The following NEFM variants were observed in gnomAD, a reference collection of about 807,000 sequenced individuals.
The protein encoded by NEFM is neurofilament medium chain.
Under a neutral mutation model 48.1 loss-of-function variants are expected in NEFM, and 16 were observed. That is an observed-to-expected ratio of 0.33 (90% CI 0.23 to 0.51). The LOEUF (loss-of-function observed/expected upper bound fraction) is 0.51, where lower values mean the gene tolerates loss of function less well. Among genes scored for constraint, NEFM ranks in the 20% least tolerant of loss-of-function variants. The pLI, the probability that NEFM is intolerant of heterozygous loss-of-function variation, is 0.98. For synonymous variants in NEFM, 465 were observed against 456.9 expected, an observed-to-expected ratio of 1.02 and a Z score of -0.23; for missense variants, 1,107 against 1,136.0, an observed-to-expected ratio of 0.97 and a Z score of 0.37.
At chr8:24,916,690 GT>G (rs909427097) in intron 2 of NEFM, among the ~76,000 whole-genome samples, 1 of 152,054 alleles carries the variant, frequency 6.6e-6, no homozygotes, top group Non-Finnish European at 1.5e-5. Flanking sequence ...ATGGCTTTTT[GT>G]TTTTTTGTTT....
intron 2 of NEFM, among the ~76,000 whole-genome samples, chr8:24,916,307 T>C (rs1158461241): frequency 2.0e-5 from 3 of 152,064 alleles, no homozygotes; most frequent in African/African-American, 4.8e-5. Flanking sequence ...TCTAGATCTA[T>C]AGATACACAT....
At position 24,918,425 on chromosome 8, in the gene NEFM, C is replaced by G. The variant is rs373997729; in HGVS notation, c.2570C>G (p.Thr857Arg). 6 of 1,613,942 alleles carry G rather than the reference C, an allele frequency of 3.7e-6. No homozygotes were observed. The South Asian group carries it at 6.6e-5, about 18-fold the overall frequency. Residue 857 changes from threonine (T) to arginine (R), a missense_variant, in exon 3 of 3, where the codon ACG (threonine) becomes AGG (arginine). Coordinates refer to ENST00000221166, the MANE Select transcript of NEFM (RefSeq NM_005382.2). Reference sequence around the variant, plus strand: ...GAGGAGAAAGTGGTGGTGACCAAAACGGTAGAAAAAATCACCAGTGAGGGG... The same window carrying G: ...GAGGAGAAAGTGGTGGTGACCAAAAGGGTAGAAAAAATCACCAGTGAGGGG... ...KSEEKVVVTK[T>R]VEKITSEGGD...
Position 24,914,604 on chromosome 8 carries a change from A to T in NEFM, c.811A>T (p.Lys271Ter). Residue 271 changes from lysine (K) to a stop codon, truncating the protein, a stop_gained, in exon 1 of 3, where the codon AAG (lysine) becomes TAG (stop). Transcript: ENST00000221166. LOFTEE classifies it high-confidence loss of function. ...GAAGACAGACATCTCGACGGCGCTG[A>T]AGGAAATCCGCTCCCAGCTCGAAAG... is the stretch of plus-strand genomic sequence containing the variant. ...YLKTDISTAL[K>*]EIRSQLESHS... The T allele has an allele frequency of 1.2e-6, 2 of 1,614,194 alleles. No homozygotes were observed. The highest frequency in any genetic ancestry group is 1.7e-6 in the Non-Finnish European group (2 of 1,180,038).
Position 24,918,070 on chromosome 8 carries a change from A to G in NEFM, c.2215A>G (p.Lys739Glu). 3.9e-6 allele frequency: 6 copies of G among 1,553,020 alleles called. No individual in the cohort carries two copies. Among genetic ancestry groups the G allele is most frequent in the Non-Finnish European group, 5.2e-6 (6 of 1,147,660 alleles). The change falls in exon 3 of 3, where the codon AAG (lysine) becomes GAG (glutamate). Residue 739 changes from lysine (K) to glutamate (E), a missense_variant. Physicochemically the swap from Lys to Glu is moderately conservative, Grantham distance 56. This residue lies in a region of NEFM where 917 missense variants were observed against 916.4 expected (regional missense o/e 1.00). Transcript: ENST00000221166. ...PEKKKAESPVKEEAVAEVVTI... is the reference protein window; with the variant it reads ...PEKKKAESPVEEEAVAEVVTI... ...GAAGAAGAAAGCTGAGTCCCCTGTA[A>G]AGGAGGAAGCTGTGGCAGAGGTGGT...
In NEFM at chr8:24,914,216, C is replaced by T. The variant is rs750240593; in HGVS notation, c.423C>T (p.Ala141=). Residue 141 remains alanine, a synonymous_variant, in exon 1 of 3, where the codon GCC becomes GCT. Transcript: ENST00000221166. ...AEIQALRQKQ[A]SHAQLGDAYD... is the part of the protein sequence containing the mutation. ...TCCAGGCGCTGCGGCAGAAGCAGGC[C>T]TCGCACGCCCAGCTGGGCGACGCGT... 6.2e-7 allele frequency: 1 copy of T among 1,610,658 alleles called. No individual in the cohort carries two copies. Among genetic ancestry groups the T allele is most frequent in the South Asian group, 1.1e-5 (1 of 90,732 alleles).
At chr8:24,915,432 T>C (rs2117221223) in intron 1 of NEFM, 173 bp from the exon 2 acceptor site, 1 of 1,131,672 alleles carries the variant, frequency 8.8e-7, no homozygotes, top group Non-Finnish European at 1.2e-6. Flanking sequence ...GAGAATCGCT[T>C]AGATTTAAAA....
At position 24,915,292 on chromosome 8, in the gene NEFM, G is replaced by A. The variant is rs934103887; in HGVS notation, c.1081-313G>A. The A allele has an allele frequency of 2.3e-6, 3 of 1,295,274 alleles. No individual in the cohort carries two copies. In the African/African-American group the frequency reaches 4.5e-5, roughly 19 times the overall value. The allele number at this position is 1,295,274 out of a possible 1,614,324, so 80.2% of individuals were successfully genotyped here. A position where few individuals can be genotyped will look rare whatever the true frequency, so the allele number is the denominator to read the frequency against. ...CAGCCCAAAGGGCTCAGATGGGAAT[G>A]GCCAGGTCAGCCATGGAGTTTCCCC... On this transcript the variant is annotated intron_variant, in intron 1 of 2. Coordinates refer to ENST00000221166, the MANE Select transcript of NEFM (RefSeq NM_005382.2).
chr8:24,917,144 T>C lies in NEFM; in HGVS notation c.1289T>C (p.Ile430Thr). 6.2e-7 allele frequency: 1 copy of C among 1,613,988 alleles called. No individual in the cohort carries two copies. The highest frequency in any genetic ancestry group is 8.5e-7 in the Non-Finnish European group (1 of 1,180,010). ...CCACTGTATACACACCGACCCCCAA[T>C]CACAATATCCAGTAAGATTCAGAAA... ...TGPLYTHRPP[I>T]TISSKIQKPK... is the part of the protein sequence containing the mutation. The change falls in exon 3 of 3, where the codon ATC becomes ACC. Residue 430 changes from isoleucine (I) to threonine (T), a missense_variant. By Grantham distance (89) the Ile-to-Thr change is moderately conservative (BLOSUM62 -1). This residue lies in a region of NEFM where 917 missense variants were observed against 916.4 expected (regional missense o/e 1.00). Coordinates refer to ENST00000221166, the MANE Select transcript of NEFM (RefSeq NM_005382.2).
intron 2 of NEFM, among the ~76,000 whole-genome samples, chr8:24,916,629 G>A (rs959483817): frequency 1.3e-5 from 2 of 152,180 alleles, no homozygotes. Context: ...TTAAGAAAGT[G>A]ACTACTCTCA....
At chr8:24,915,326 T>C (rs1427762131) in intron 1 of NEFM, 3 of 1,284,430 alleles carry the variant, frequency 2.3e-6, no homozygotes, top group African/African-American at 3.0e-5. Flanking sequence ...CCATGCATGT[T>C]TGTGTCCTGT....
rs1225030083 is a variant in NEFM, at chr8:24,914,009, G to C, written c.216G>C (p.Glu72Asp). The change falls in exon 1 of 3, where the codon GAG (glutamate) becomes GAC (aspartate). Residue 72 changes from glutamate to aspartate, a missense_variant. By Grantham distance (45) the Glu-to-Asp change is conservative. Transcript: ENST00000221166. ...GCTCGGCCATGCTCAGCTCCGCCGA[G>C]AGCAGCCTTGACTTCAGCCAGTCCT... The part of the protein sequence containing the change: ...AYSSAMLSSA[E>D]SSLDFSQSSS... 6.2e-7 allele frequency: 1 copy of C among 1,612,340 alleles called. No homozygotes were observed. Among genetic ancestry groups the C allele is most frequent in the East Asian group, 2.2e-5 (1 of 44,860 alleles).
rs745838573 is a variant in NEFM, at chr8:24,914,657, C to G, written c.864C>G (p.Ala288=). ...ESHSDQNMHQ[A]EEWFKCRYAK... ...ACTCAGACCAGAATATGCACCAGGCCGAAGAGTGGTTCAAATGCCGCTACG... is the reference window on the plus strand; with the variant it reads ...ACTCAGACCAGAATATGCACCAGGCGGAAGAGTGGTTCAAATGCCGCTACG... Residue 288 remains alanine (A), a synonymous_variant, in exon 1 of 3, where the codon GCC becomes GCG. Transcript: ENST00000221166. 2.5e-6 allele frequency: 4 copies of G among 1,614,060 alleles called. No individual in the cohort carries two copies. The highest frequency in any genetic ancestry group is 2.2e-5 in the South Asian group (2 of 91,092).
At chr8:24,916,968 A>C in intron 2 of NEFM, 93 bp from the exon 3 acceptor site, 1 of 1,003,814 alleles carries the variant, frequency 1.0e-6, no homozygotes, top group Non-Finnish European at 1.6e-6. Context: ...CTATTTATTC[A>C]AAGGTAGCTA....
At position 24,917,665 on chromosome 8, in the gene NEFM, G is replaced by A; in HGVS notation, c.1810G>A (p.Asp604Asn). 1.2e-6 allele frequency: 2 copies of A among 1,613,350 alleles called. No individual in the cohort carries two copies. The highest frequency in any genetic ancestry group is 1.7e-6 in the Non-Finnish European group (2 of 1,180,020). Residue 604 changes from aspartate to asparagine, a missense_variant, in exon 3 of 3, where the codon GAT becomes AAT. Asp to Asn is a conservative substitution (Grantham distance 23). This residue lies in a region of NEFM where 917 missense variants were observed against 916.4 expected (regional missense o/e 1.00). Transcript: ENST00000221166. Reference protein sequence around the residue: ...EVATKEELVADAKVEKPEKAK... With the variant: ...EVATKEELVANAKVEKPEKAK... The stretch of plus-strand genomic sequence containing the variant: ...GGCTACCAAGGAGGAGCTGGTGGCA[G>A]ATGCCAAGGTGGAAAAGCCAGAAAA...
intron 1 of NEFM, 164 bp from the exon 2 acceptor site, chr8:24,915,441 A>T: frequency 8.2e-7 from 1 of 1,215,516 alleles, no homozygotes; most frequent in Non-Finnish European, 1.1e-6. Context: ...TTAGATTTAA[A>T]AGAAAAAGGG....
intron 2 of NEFM, among the ~76,000 whole-genome samples, chr8:24,916,463 C>G (rs929597858): frequency 6.6e-6 from 1 of 152,166 alleles, no homozygotes; most frequent in African/African-American, 2.4e-5. Flanking sequence ...TAAAATTTTT[C>G]TGCTACCAAT....
In NEFM at chr8:24,914,123, C is replaced by T. The variant is rs533045815; in HGVS notation, c.330C>T (p.Asp110=). The T allele has an allele frequency of 6.2e-7, 1 of 1,613,098 alleles. No homozygotes were observed. Among genetic ancestry groups the T allele is most frequent in the South Asian group, 1.1e-5 (1 of 91,050 alleles). Residue 110 remains aspartate, a synonymous_variant, in exon 1 of 3, where the codon GAC becomes GAT. Transcript: ENST00000221166. Reference sequence around the variant, plus strand: ...AGGAGCAGCTGCAGGGGCTGAACGACCGCTTTGCCGGCTACATAGAGAAGG... The same window carrying T: ...AGGAGCAGCTGCAGGGGCTGAACGATCGCTTTGCCGGCTACATAGAGAAGG... ...NEKEQLQGLN[D]RFAGYIEKVH... is the part of the protein sequence containing the mutation.
rs1484228782 is a variant in NEFM, at chr8:24,918,255, A to G, written c.2400A>G (p.Ile800Met). 1.9e-6 allele frequency: 3 copies of G among 1,584,578 alleles called. No individual in the cohort carries two copies. The highest frequency in any genetic ancestry group is 2.6e-6 in the Non-Finnish European group (3 of 1,165,110). The change falls in exon 3 of 3, where the codon ATA becomes ATG. Residue 800 changes from isoleucine to methionine, a missense_variant. Physicochemically the swap from Ile to Met is conservative, Grantham distance 10. Around this residue, in one of 3 missense-constraint regions of NEFM, gnomAD observed 917 missense variants for 916.4 expected, o/e 1.00. Transcript: ENST00000221166. ...KGAKGSRKED[I>M]AVNGEVEGKE... is the part of the protein sequence containing the mutation. ...CCAAGGGATCCAGGAAGGAAGACAT[A>G]GCTGTCAATGGGGAGGTAGAAGGAA...
At position 24,914,557 on chromosome 8, in the gene NEFM, C is replaced by T. The variant is rs1243436231; in HGVS notation, c.764C>T (p.Thr255Met). 1 of 1,614,168 alleles carries T rather than the reference C, an allele frequency of 6.2e-7. No individual in the cohort carries two copies. The highest frequency in any genetic ancestry group is 8.5e-7 in the Non-Finnish European group (1 of 1,180,050). ...LLAQIQASHI[T>M]VERKDYLKTD... The stretch of plus-strand genomic sequence containing the variant: ...GCCCAGATCCAGGCATCGCACATCA[C>T]GGTGGAGCGCAAAGACTACCTGAAG... The change falls in exon 1 of 3, where the codon ACG (threonine) becomes ATG (methionine). Residue 255 changes from threonine (T) to methionine (M), a missense_variant. Physicochemically the swap from Thr to Met is moderately conservative, Grantham distance 81 (BLOSUM62 -1). Around this residue, in one of 3 missense-constraint regions of NEFM, gnomAD observed 917 missense variants for 916.4 expected, o/e 1.00. Transcript: ENST00000221166.
Sources: allele counts gnomAD v4.1 joint callset (sites outside exome capture counted in the v4.1 genomes callset), GRCh38; gene constraint gnomAD v4.1.1; regional missense constraint gnomAD v4.1.1; transcripts MANE v1.5; gene names NCBI Gene and HGNC (gene_info 2026-07-23, HGNC 2026-07-21).